Variants in UBE2J2 observed in about 807,000 individuals in gnomAD.
UBE2J2 encodes the protein ubiquitin-conjugating enzyme E2 J2.
Under a neutral mutation model 28.6 loss-of-function variants are expected in UBE2J2, and 5 were observed. The observed-to-expected ratio is 0.17, with a 90% CI of 0.09 to 0.37. The LOEUF (loss-of-function observed/expected upper bound fraction) is 0.37, where lower values mean the gene tolerates loss of function less well. Among genes scored for constraint, UBE2J2 ranks in the 10% least tolerant of loss-of-function variants. The pLI is 1.00. For missense variants in UBE2J2, 226 were observed against 338.9 expected (o/e 0.67, Z 2.62); for synonymous variants, 138 against 139.7 (o/e 0.99, Z 0.09).
Position 1,256,844 on chromosome 1 carries a change from G to A in UBE2J2, c.414+148C>T, listed in dbSNP as rs1159032500. ...GGAGCTTGCAGTGAGCCGAGATTGC[G>A]CCACTGCACTCCAGCCTGGAGACAC... On this transcript the variant is annotated intron_variant, in intron 5 of 6. Coordinates refer to ENST00000349431, the MANE Select transcript of UBE2J2 (RefSeq NM_058167.3). 7 of 699,326 alleles carry A rather than the reference G, an allele frequency of 1.0e-5. No homozygotes were observed. The South Asian group carries it at 1.3e-4, about 13-fold the overall frequency. The allele number at this position is 699,326 out of a possible 1,614,324, so 43.3% of individuals were successfully genotyped here. A position where few individuals can be genotyped will look rare whatever the true frequency, so the allele number is the denominator to read the frequency against.
chr1:1,255,967 G>A, intron 6 of UBE2J2, 78 bp downstream of exon 6: 1 of 1,104,696 alleles, frequency 9.1e-7, no homozygotes, highest in Non-Finnish European at 1.4e-6. Flanking sequence ...TCAGGACACA[G>A]ATTTTACTCT....
At position 1,256,137 on chromosome 1, in the gene UBE2J2, G is replaced by A. The variant is rs377694203; in HGVS notation, c.415-12C>T. On this transcript the variant is annotated splice_polypyrimidine_tract_variant and intron_variant, in intron 5 of 6. Coordinates refer to ENST00000349431, the MANE Select transcript of UBE2J2 (RefSeq NM_058167.3). ...GCCAGTTGTCTTTTCTAGGAAGGAAGGGAAGGGAATCAGCCAGAAAACTAA... is the reference window on the plus strand; with the variant it reads ...GCCAGTTGTCTTTTCTAGGAAGGAAAGGAAGGGAATCAGCCAGAAAACTAA... 23 of 1,591,324 alleles carry A rather than the reference G, an allele frequency of 1.4e-5. No individual in the cohort carries two copies. The highest frequency in any genetic ancestry group is 1.8e-5 in the Non-Finnish European group (21 of 1,160,686).
chr1:1,261,657 T>G (rs577711040), intron 3 of UBE2J2, among the ~76,000 whole-genome samples: 1 of 151,850 alleles, frequency 6.6e-6, no homozygotes, highest in South Asian at 2.1e-4. Flanking sequence ...TTTGGTTTTT[T>G]TTTTTTTTTT....
chr1:1,264,190 T>G (rs1454943287), intron 2 of UBE2J2, among the ~76,000 whole-genome samples: 2 of 152,160 alleles, frequency 1.3e-5, no homozygotes, highest in Non-Finnish European at 2.9e-5. Flanking sequence ...GAACAGGAAC[T>G]GCCGTGATTG....
In UBE2J2 at chr1:1,255,436, T is replaced by G; in HGVS notation, c.547A>C (p.Thr183Pro). ...AQDELSSRPQ[T>P]LPLPDVVPDG... ...GGAACCACGTCTGGCAAGGGGAGAG[T>G]CTGGGGTCTGCTACTGAGTTCGTCT... The change falls in exon 7 of 7, where the codon ACT (threonine) becomes CCT (proline). Residue 183 changes from threonine (T) to proline (P), a missense_variant. Thr to Pro is a conservative substitution (Grantham distance 38). This residue lies in a region of UBE2J2 where 133 missense variants were observed against 161.5 expected (regional missense o/e 0.82). Transcript: ENST00000349431. 6.2e-7 allele frequency: 1 copy of G among 1,612,946 alleles called. No individual in the cohort carries two copies. Among genetic ancestry groups the G allele is most frequent in the Non-Finnish European group, 8.5e-7 (1 of 1,179,780 alleles).
At chr1:1,261,162 G>A (rs1639535874) in intron 3 of UBE2J2, among the ~76,000 whole-genome samples, 2 of 152,238 alleles carry the variant, frequency 1.3e-5, no homozygotes, top group Non-Finnish European at 2.9e-5. Context: ...GGGTTCCCTG[G>A]AGACCCTGAA....
At chr1:1,256,957 C>A in intron 5 of UBE2J2, 35 bp downstream of exon 5, 1 of 1,443,086 alleles carries the variant, frequency 6.9e-7, no homozygotes. Context: ...AGACACAAGG[C>A]TGACGGCCCA....
rs1292614075 is a variant in UBE2J2 at position 1,273,851 on chromosome 1, A to C, written c.-186T>G. 1 of 153,184 alleles carries C rather than the reference A, an allele frequency of 6.5e-6. No homozygotes were observed. The highest frequency in any genetic ancestry group is 1.5e-5 in the Non-Finnish European group (1 of 68,338). The allele number at this position is 153,184 out of a possible 1,614,324, so 9.5% of individuals were successfully genotyped here. A position where few individuals can be genotyped will look rare whatever the true frequency, so the allele number is the denominator to read the frequency against. On this transcript the variant is annotated 5_prime_UTR_variant, in exon 1 of 7. Transcript: ENST00000349431. ...TCCAAGATGGCCGCTCGCGGGGCGG[A>C]ACCAGCCTAGCTTCTGCTTCCGGTG...
At chr1:1,257,380 A>AAC (rs1570539059) in intron 3 of UBE2J2, 70 bp from the exon 4 acceptor site, 1 of 297,458 alleles carries the variant, frequency 3.4e-6, no homozygotes, top group Non-Finnish European at 4.7e-6. Context: ...CCTCGTCCCC[A>AAC]TCCCCCCACG....
chr1:1,259,336 T>C (rs1459994482), intron 3 of UBE2J2, among the ~76,000 whole-genome samples: 1 of 151,836 alleles, frequency 6.6e-6, no homozygotes, highest in Non-Finnish European at 1.5e-5. Context: ...GGCGTGGGCA[T>C]GTGTGTGCGT....
chr1:1,254,025 G>A lies in UBE2J2; in HGVS notation c.*1178C>T, dbSNP rs180985831. 3.3e-5 allele frequency: 5 copies of A among 152,240 alleles called. No homozygotes were observed. Among genetic ancestry groups the A allele is most frequent in the Admixed American group, 2.0e-4 (3 of 15,292 alleles). The allele number at this position is 152,240 out of a possible 1,614,324, so 9.4% of individuals were successfully genotyped here. A position where few individuals can be genotyped will look rare whatever the true frequency, so the allele number is the denominator to read the frequency against. On this transcript the variant is annotated 3_prime_UTR_variant, in exon 7 of 7. Coordinates refer to ENST00000349431, the MANE Select transcript of UBE2J2 (RefSeq NM_058167.3). ...ATAAACTGATCAAAAAACGAAGAAA[G>A]ATGAGCGCGTGCGGGCTGGGCTTGT...
chr1:1,265,446 A>G (rs924005565), intron 2 of UBE2J2, among the ~76,000 whole-genome samples: 5 of 152,052 alleles, frequency 3.3e-5, no homozygotes, highest in Admixed American at 6.6e-5. Context: ...TTAGTTTCCA[A>G]TGAGTTTCTC....
At chr1:1,266,652 T>G (rs1157011152) in intron 2 of UBE2J2, among the ~76,000 whole-genome samples, 1 of 151,564 alleles carries the variant, frequency 6.6e-6, no homozygotes, top group Non-Finnish European at 1.5e-5. Context: ...AAACCCCGTC[T>G]CTACTAAAAA....
rs1251091858 is a variant in UBE2J2 at position 1,255,389 on chromosome 1, G to C, written c.594C>G (p.Val198=). 1 of 1,613,880 alleles carries C rather than the reference G, an allele frequency of 6.2e-7. No homozygotes were observed. The highest frequency in any genetic ancestry group is 1.3e-5 in the African/African-American group (1 of 75,070). The change falls in exon 7 of 7, where the codon GTC becomes GTG. Residue 198 remains valine, a synonymous_variant. Transcript: ENST00000349431. ...DVVPDGETHL[V]QNGIQLLNGH... ...CGTTGAGCAGCTGAATCCCGTTCTG[G>C]ACGAGGTGCGTCTCCCCGTCTGGAA...
intron 2 of UBE2J2, among the ~76,000 whole-genome samples, chr1:1,265,283 G>C (rs934488888): frequency 6.6e-6 from 1 of 152,174 alleles, no homozygotes; most frequent in African/African-American, 2.4e-5. Context: ...TCGCACTGAC[G>C]CTGCTGTCCT....
intron 2 of UBE2J2, chr1:1,266,318 A>G (rs556679009): frequency 5.5e-6 from 3 of 546,438 alleles, no homozygotes; most frequent in East Asian, 1.7e-4. Context: ...TAGGCCAGGC[A>G]TGGTGGCTCA....
chr1:1,271,890 C>T (rs1190495503), intron 1 of UBE2J2, among the ~76,000 whole-genome samples: 1 of 146,426 alleles, frequency 6.8e-6, no homozygotes, highest in Admixed American at 7.1e-5. Flanking sequence ...AGGAGAATCA[C>T]TTGAATCCAG....
rs1214697037 is a variant in UBE2J2 at position 1,257,101 on chromosome 1, G to A, written c.305C>T (p.Pro102Leu). The A allele has an allele frequency of 1.2e-6, 2 of 1,612,532 alleles. No homozygotes were observed. Among genetic ancestry groups the A allele is most frequent in the Non-Finnish European group, 1.7e-6 (2 of 1,179,410 alleles). Residue 102 changes from proline (P) to leucine (L), a missense_variant, in exon 5 of 7, where the codon CCG becomes CTG. Pro to Leu is a moderately conservative substitution (Grantham distance 98). Coordinates refer to ENST00000349431, the MANE Select transcript of UBE2J2 (RefSeq NM_058167.3). ...AGACCAGGCCGGGTTCCACGTGTCC[G>A]GGTGGAAATCCGTGATAGAAAGACA... ...RLCLSITDFH[P>L]DTWNPAWSVS... is the part of the protein sequence containing the mutation.
intron 3 of UBE2J2, among the ~76,000 whole-genome samples, chr1:1,259,113 C>T (rs1413863566): frequency 1.4e-5 from 2 of 138,424 alleles, no homozygotes; most frequent in African/African-American, 5.7e-5. Flanking sequence ...TGTGTGCATG[C>T]CATCAGGACG....
Sources: allele counts gnomAD v4.1 joint callset (sites outside exome capture counted in the v4.1 genomes callset), GRCh38; gene constraint gnomAD v4.1.1; regional missense constraint gnomAD v4.1.1; transcripts MANE v1.5; gene names NCBI Gene and HGNC (gene_info 2026-07-23, HGNC 2026-07-21).